The following MAP2K5 variants were observed in gnomAD, a reference collection of about 807,000 sequenced individuals.
MAP2K5 encodes the protein mitogen-activated protein kinase kinase 5, also known as dual specificity mitogen-activated protein kinase kinase 5.
Under a neutral mutation model 83.1 loss-of-function variants are expected in MAP2K5, and 49 were observed. That is an observed-to-expected ratio of 0.59 (90% CI 0.47 to 0.75). The LOEUF (loss-of-function observed/expected upper bound fraction) is 0.75, where lower values mean the gene tolerates loss of function less well. Ranked by LOEUF, MAP2K5 falls within the 30% of genes least tolerant of loss-of-function variation. The pLI is 0.00. For missense variants in MAP2K5, 457 were observed against 557.5 expected (o/e 0.82, Z 1.82); for synonymous variants, 202 against 191.8 (o/e 1.05, Z -0.44).
Position 67,746,309 on chromosome 15 carries a change from C to G in MAP2K5, c.1075-1922C>G, listed in dbSNP as rs533720378. Among the ~76,000 whole-genome samples, 1 of 152,262 alleles carries G rather than the reference C, an allele frequency of 6.6e-6. No homozygotes were observed. Among genetic ancestry groups the G allele is most frequent in the East Asian group, 1.9e-4 (1 of 5,190 alleles). On this transcript the variant is annotated intron_variant, in intron 17 of 21. Transcript: ENST00000178640. The surrounding 1 kb of genome is among the most constrained non-coding windows in gnomAD (Gnocchi z 4.1). ...TGTTCTCCTCAGAGAATGTTGTCAT[C>G]CCCCTGACTCTTGGAAATTTGTGAA...
intron 13 of MAP2K5, among the ~76,000 whole-genome samples, chr15:67,672,848 A>C (rs1171468089): frequency 1.2e-4 from 18 of 151,396 alleles, no homozygotes; most frequent in Non-Finnish European, 2.5e-4. Flanking sequence ...ATAAGGTGTA[A>C]GGAAGGGATC....
At chr15:67,656,742 C>G (rs942980682) in intron 11 of MAP2K5, among the ~76,000 whole-genome samples, 1 of 152,094 alleles carries the variant, frequency 6.6e-6, no homozygotes, top group Non-Finnish European at 1.5e-5. Flanking sequence ...ACTGTTTTTC[C>G]CACCTGTCAA....
At chr15:67,553,774 G>A (rs373734184) in intron 2 of MAP2K5, among the ~76,000 whole-genome samples, 3 of 151,192 alleles carry the variant, frequency 2.0e-5, no homozygotes, top group Non-Finnish European at 2.9e-5. Context: ...TTAGCCGGGC[G>A]CGGTGGCGGG....
chr15:67,575,711 C>G (rs2085041180), intron 3 of MAP2K5, among the ~76,000 whole-genome samples: 1 of 151,990 alleles, frequency 6.6e-6, no homozygotes, highest in African/African-American at 2.4e-5. Context: ...TACTGATAAA[C>G]CATTTGCTTC....
intron 13 of MAP2K5, among the ~76,000 whole-genome samples, chr15:67,688,087 A>C (rs1166107917): frequency 6.6e-6 from 1 of 152,226 alleles, no homozygotes; most frequent in Non-Finnish European, 1.5e-5. Context: ...CAAAAATCTA[A>C]AGCAAAGGAG....
At chr15:67,601,881 G>T (rs1007046872) in intron 8 of MAP2K5, among the ~76,000 whole-genome samples, 8 of 152,246 alleles carry the variant, frequency 5.3e-5, no homozygotes, top group Non-Finnish European at 1.2e-4. Context: ...ATACAGCCAA[G>T]ATGTGAGTCC....
At chr15:67,788,614 T>C (rs2090459807) in intron 21 of MAP2K5, among the ~76,000 whole-genome samples, 1 of 152,174 alleles carries the variant, frequency 6.6e-6, no homozygotes, top group Non-Finnish European at 1.5e-5. Flanking sequence ...TGGAAAATAA[T>C]AGGTTCATAA....
chr15:67,778,304 T>G lies in MAP2K5; in HGVS notation c.1242+5552T>G, dbSNP rs1375898424. ...CAATTAATCAAGGTATATGATAAAT[T>G]GCACATCTGCGTGGTCCCTTTAAAA... is the stretch of plus-strand genomic sequence containing the variant. On this transcript the variant is annotated intron_variant, in intron 21 of 21. Coordinates refer to ENST00000178640, the MANE Select transcript of MAP2K5 (RefSeq NM_145160.3). The surrounding 1 kb of genome is among the most constrained non-coding windows in gnomAD (Gnocchi z 5.0). Among the ~76,000 whole-genome samples, 1 of 152,212 alleles carries G rather than the reference T, an allele frequency of 6.6e-6. No homozygotes were observed. The highest frequency in any genetic ancestry group is 2.4e-5 in the African/African-American group (1 of 41,448).
chr15:67,800,162 G>A (rs1011911640), intron 21 of MAP2K5, among the ~76,000 whole-genome samples: 25 of 152,180 alleles, frequency 1.6e-4, no homozygotes, highest in African/African-American at 5.8e-4. Flanking sequence ...AGCAGACAGT[G>A]GAAATCTGTG....
chr15:67,646,331 A>C (rs1462918939), intron 10 of MAP2K5, 32 bp downstream of exon 10: 1 of 1,400,640 alleles, frequency 7.1e-7, no homozygotes, highest in Non-Finnish European at 1.0e-6. Flanking sequence ...TTTGTAAAGC[A>C]TGCCTATGGT....
chr15:67,612,073 CTT>C lies in MAP2K5; in HGVS notation c.545+11341_545+11342del, dbSNP rs57650533. ...CCCTGGAAATTTTATCTTTGGTTTT[CTT>C]TTTTTTTTTTTTTTTTCACTGCCAT... On this transcript the variant is annotated intron_variant, in intron 8 of 21. Coordinates refer to ENST00000178640, the MANE Select transcript of MAP2K5 (RefSeq NM_145160.3). 9.8e-4 allele frequency among the ~76,000 whole-genome samples: 115 copies of C among 117,174 alleles called. 1 individual carries two copies. The highest frequency in any genetic ancestry group is 2.0e-3 in the African/African-American group (64 of 32,732). The allele number at this position is 117,174 out of a possible 152,430, so 76.9% of individuals were successfully genotyped here. A position where few individuals can be genotyped will look rare whatever the true frequency, so the allele number is the denominator to read the frequency against.
At chr15:67,659,086 A>G (rs183402166) in intron 12 of MAP2K5, 138 of 238,610 alleles carry the variant, frequency 5.8e-4, no homozygotes, top group African/African-American at 3.0e-3. Flanking sequence ...CATCAACTAC[A>G]TCTAGAAATT....
intron 7 of MAP2K5, among the ~76,000 whole-genome samples, chr15:67,595,834 T>C (rs1285574769): frequency 6.6e-6 from 1 of 152,224 alleles, no homozygotes; most frequent in African/African-American, 2.4e-5. Context: ...TCAGTTATAG[T>C]GTGGCATCAT....
At chr15:67,549,047 C>T in intron 1 of MAP2K5, 1 of 1,498,108 alleles carries the variant, frequency 6.7e-7, no homozygotes, top group Non-Finnish European at 8.9e-7. Flanking sequence ...GCTGTGGGCT[C>T]CCTGCTGAGA....
At chr15:67,639,945 A>G (rs1376771658) in intron 9 of MAP2K5, among the ~76,000 whole-genome samples, 2 of 152,160 alleles carry the variant, frequency 1.3e-5, no homozygotes, top group African/African-American at 4.8e-5. Context: ...CCTGTCACAT[A>G]TGGTCTATCT....
At position 67,561,948 on chromosome 15, in the gene MAP2K5, C is replaced by G. The variant is rs767777956; in HGVS notation, c.185-1335C>G. ...CTCCCTCTGTACTTTCAGTAAGCAT[C>G]CCCTGACCATGTTGGGCAAGCTTAT... On this transcript the variant is annotated intron_variant, in intron 2 of 21. Coordinates refer to ENST00000178640, the MANE Select transcript of MAP2K5 (RefSeq NM_145160.3). The surrounding 1 kb of genome is among the most constrained non-coding windows in gnomAD (Gnocchi z 4.2). 6.6e-6 allele frequency among the ~76,000 whole-genome samples: 1 copy of G among 152,170 alleles called. No individual in the cohort carries two copies. Among genetic ancestry groups the G allele is most frequent in the Non-Finnish European group, 1.5e-5 (1 of 68,034 alleles).
rs550146697 is a variant in MAP2K5 at position 67,806,642 on chromosome 15, G to A, written c.1243-4G>A. The stretch of plus-strand genomic sequence containing the variant: ...CTGTCACAGCCTCCTCCTCTTCCCC[G>A]CAGGGCCACCCGTTCATCGTGCAGT... On this transcript the variant is annotated splice_polypyrimidine_tract_variant and splice_region_variant and intron_variant, in intron 21 of 21. Transcript: ENST00000178640. The A allele has an allele frequency of 4.5e-6, 7 of 1,549,618 alleles. No individual in the cohort carries two copies. Among genetic ancestry groups the A allele is most frequent in the Middle Eastern group, 1.7e-4 (1 of 5,984 alleles).
At chr15:67,564,578 A>G (rs1013434935) in intron 3 of MAP2K5, among the ~76,000 whole-genome samples, 5 of 152,242 alleles carry the variant, frequency 3.3e-5, no homozygotes, top group Non-Finnish European at 7.3e-5. Context: ...CATTCCAACC[A>G]GCACAGAATA....
In MAP2K5 at chr15:67,640,882, A is replaced by G. The variant is rs965685657; in HGVS notation, c.586-5349A>G. On this transcript the variant is annotated intron_variant, in intron 9 of 21. Transcript: ENST00000178640. This position sits in a 1 kb window ranked among gnomAD's most constrained non-coding sequence, Gnocchi z 4.6. Reference sequence around the variant, plus strand: ...TATTTTATACTATTGAATTTAGAAAATGTTCTGCCTCAAAGAGAACATTTT... The same window carrying G: ...TATTTTATACTATTGAATTTAGAAAGTGTTCTGCCTCAAAGAGAACATTTT... 6.6e-6 allele frequency among the ~76,000 whole-genome samples: 1 copy of G among 152,224 alleles called. No homozygotes were observed. Among genetic ancestry groups the G allele is most frequent in the Non-Finnish European group, 1.5e-5 (1 of 68,034 alleles).
Sources: gnomAD v4.1 joint callset for allele counts (sites outside exome capture counted in the v4.1 genomes callset) on GRCh38, gnomAD v4.1.1 for gene constraint, Gnocchi (gnomAD v3.1) non-coding constraint, MANE v1.5 for transcripts, NCBI Gene and HGNC (gene_info 2026-07-23, HGNC 2026-07-21) for gene names.